The following CTXND2 variants were observed in gnomAD, a reference collection of about 807,000 sequenced individuals.
CTXND2 encodes the protein cortexin domain containing 2.
chr1:150,891,971 T>A (rs1218119658), intron 1 of CTXND2, among the ~76,000 whole-genome samples: 1 of 152,140 alleles, frequency 6.6e-6, no homozygotes, highest in Non-Finnish European at 1.5e-5. Flanking sequence ...CTTTATAAGA[T>A]TCAGACAGTT....
At chr1:150,888,883 T>C (rs907521472) in intron 1 of CTXND2, among the ~76,000 whole-genome samples, 1 of 151,714 alleles carries the variant, frequency 6.6e-6, no homozygotes, top group Non-Finnish European at 1.5e-5. Flanking sequence ...TTTTGTTTTT[T>C]TGTAGAGATG....
intron 1 of CTXND2, among the ~76,000 whole-genome samples, chr1:150,899,309 C>T (rs2102597649): frequency 6.6e-6 from 1 of 151,904 alleles, no homozygotes; most frequent in South Asian, 2.1e-4. Flanking sequence ...GCATATTATG[C>T]CTATAGTCCT....
intron 1 of CTXND2, among the ~76,000 whole-genome samples, chr1:150,895,861 C>A (rs1398118164): frequency 1.3e-5 from 2 of 152,144 alleles, no homozygotes; most frequent in African/African-American, 4.8e-5. Flanking sequence ...CAGCAGTATC[C>A]AATGACAGTA....
intron 1 of CTXND2, among the ~76,000 whole-genome samples, chr1:150,911,632 C>G (rs1361778915): frequency 6.6e-6 from 1 of 151,184 alleles, no homozygotes; most frequent in Non-Finnish European, 1.5e-5. Context: ...GGGGTTTCAC[C>G]ATGTTGTCCA....
intron 1 of CTXND2, among the ~76,000 whole-genome samples, chr1:150,892,876 T>C (rs1407531837): frequency 6.6e-6 from 1 of 152,098 alleles, no homozygotes; most frequent in Admixed American, 6.6e-5. Context: ...AGTTCCTTCA[T>C]ACGTTTAAGA....
intron 1 of CTXND2, among the ~76,000 whole-genome samples, chr1:150,893,239 AT>A (rs1311107379): frequency 6.6e-6 from 1 of 151,840 alleles, no homozygotes; most frequent in Non-Finnish European, 1.5e-5. Context: ...ATTATCTCAC[AT>A]TTTTCTTTAG....
intron 1 of CTXND2, among the ~76,000 whole-genome samples, chr1:150,897,808 CT>C (rs1248050876): frequency 6.6e-6 from 1 of 152,140 alleles, no homozygotes. Context: ...TATTTCCATA[CT>C]TTTTAGCCAT....
chr1:150,909,439 C>G (rs1203639631), intron 1 of CTXND2, among the ~76,000 whole-genome samples: 1 of 151,900 alleles, frequency 6.6e-6, no homozygotes, highest in African/African-American at 2.4e-5. Context: ...CACCTGTAGT[C>G]CCAGCTACTT....
intron 1 of CTXND2, among the ~76,000 whole-genome samples, chr1:150,908,458 G>T (rs1669191567): frequency 6.6e-6 from 1 of 151,998 alleles, no homozygotes; most frequent in African/African-American, 2.4e-5. Flanking sequence ...CATCCTAGTG[G>T]GTGTGAAGTG....
At chr1:150,910,133 CT>C (rs1338323220) in intron 1 of CTXND2, among the ~76,000 whole-genome samples, 134 of 119,128 alleles carry the variant, frequency 1.1e-3, no homozygotes, top group African/African-American at 2.5e-3. Context: ...TTTTTTTTTT[CT>C]TTTTTTTTTT....
chr1:150,889,339 G>T (rs1668816524), intron 1 of CTXND2, among the ~76,000 whole-genome samples: 1 of 149,648 alleles, frequency 6.7e-6, no homozygotes, highest in African/African-American at 2.5e-5. Context: ...GACAGAGCTT[G>T]CAGTGAGCCG....
intron 1 of CTXND2, among the ~76,000 whole-genome samples, chr1:150,890,915 A>T (rs1448519963): frequency 6.6e-6 from 1 of 152,072 alleles, no homozygotes; most frequent in African/African-American, 2.4e-5. Flanking sequence ...CTATTCCTTT[A>T]TTTGGAGTGC....
At chr1:150,895,695 C>A (rs1051232588) in intron 1 of CTXND2, among the ~76,000 whole-genome samples, 28 of 152,138 alleles carry the variant, frequency 1.8e-4, no homozygotes, top group African/African-American at 6.8e-4. Flanking sequence ...ATTCCCACTG[C>A]GGAGGCCTAG....
chr1:150,902,783 AAGC>A (rs2102600441), intron 1 of CTXND2, among the ~76,000 whole-genome samples: 2 of 152,260 alleles, frequency 1.3e-5, no homozygotes, highest in East Asian at 3.9e-4. Flanking sequence ...AATGACAAAA[AAGC>A]AGACCACTAT....
In CTXND2 at chr1:150,900,666, A is replaced by C. The variant is rs376189225; in HGVS notation, c.-73-11576A>C. Among the ~76,000 whole-genome samples the C allele has an allele frequency of 2.3e-3, 337 of 148,830 alleles. 1 individual carries two copies. The highest frequency in any genetic ancestry group is 2.8e-3 in the Non-Finnish European group (189 of 66,978). ...TTCTCAAAAAACAAACCAAAAAAAA[A>C]CCCTGACGAATAGTGAGAAAATATT... On this transcript the variant is annotated intron_variant, in intron 1 of 1. Transcript: ENST00000636087.
intron 1 of CTXND2, among the ~76,000 whole-genome samples, chr1:150,911,409 GT>G (rs1038751543): frequency 1.3e-5 from 2 of 149,092 alleles, no homozygotes; most frequent in South Asian, 2.2e-4. Flanking sequence ...AAGGTTTTGG[GT>G]TTTTTTTTCC....
chr1:150,889,625 G>T (rs1175454330), intron 1 of CTXND2, among the ~76,000 whole-genome samples: 5 of 151,750 alleles, frequency 3.3e-5, no homozygotes, highest in Non-Finnish European at 7.4e-5. Context: ...GTTTCCCCTT[G>T]TTGAGACTGC....
At chr1:150,900,101 C>T (rs1014933929) in intron 1 of CTXND2, among the ~76,000 whole-genome samples, 1 of 152,084 alleles carries the variant, frequency 6.6e-6, no homozygotes, top group Non-Finnish European at 1.5e-5. Context: ...CCGTTCGGGT[C>T]CCTTTCCACC....
chr1:150,908,129 A>C (rs1426263942), intron 1 of CTXND2, among the ~76,000 whole-genome samples: 1 of 151,744 alleles, frequency 6.6e-6, no homozygotes, highest in African/African-American at 2.4e-5. Flanking sequence ...CTGCCCCCCA[A>C]GTAGCTGGGA....
Sources: gnomAD v4.1 joint callset for allele counts (sites outside exome capture counted in the v4.1 genomes callset) on GRCh38, gnomAD v4.1.1 for gene constraint, MANE v1.5 for transcripts, NCBI Gene and HGNC (gene_info 2026-07-23, HGNC 2026-07-21) for gene names.